The following AKR1C8 variants were observed in gnomAD, a reference collection of about 807,000 sequenced individuals.
The protein encoded by AKR1C8 is aldo-keto reductase family 1 member C8, also known as aldo-keto reductase family 1 member C-like protein 1.
the AKR1C8 span, among the ~76,000 whole-genome samples, chr10:5,163,343 A>T: frequency 6.6e-6 from 1 of 152,306 alleles, no homozygotes; most frequent in Non-Finnish European, 1.5e-5. Flanking sequence ...TATGCCACTG[A>T]AAGCAACTGG....
chr10:5,149,351 C>A, the AKR1C8 span, among the ~76,000 whole-genome samples: 2 of 151,980 alleles, frequency 1.3e-5, no homozygotes, highest in Non-Finnish European at 2.9e-5. Flanking sequence ...TCTTATTATT[C>A]TTGGCCTGAT....
chr10:5,122,028 CCT>C, the AKR1C8 span: 1 of 252,666 alleles, frequency 4.0e-6, no homozygotes, highest in Non-Finnish European at 8.2e-6. Flanking sequence ...AAGATGTGTC[CCT>C]CTGTTTTTGT....
the AKR1C8 span, among the ~76,000 whole-genome samples, chr10:5,133,635 C>T: frequency 2.6e-5 from 4 of 152,244 alleles, no homozygotes; most frequent in East Asian, 5.8e-4. Flanking sequence ...AGTCTGTGTA[C>T]CACACACAAA....
chr10:5,142,271 G>T, the AKR1C8 span, among the ~76,000 whole-genome samples: 1 of 152,222 alleles, frequency 6.6e-6, no homozygotes, highest in African/African-American at 2.4e-5. Context: ...GGAATGTTGT[G>T]GCTGGTTGAT....
chr10:5,126,585 C>T, the AKR1C8 span, among the ~76,000 whole-genome samples: 2 of 152,170 alleles, frequency 1.3e-5, no homozygotes. Flanking sequence ...ACCACCTCTA[C>T]TGGCCTGGGG....
chr10:5,142,009 A>C, the AKR1C8 span, among the ~76,000 whole-genome samples: 2 of 152,224 alleles, frequency 1.3e-5, no homozygotes, highest in East Asian at 3.9e-4. Context: ...TCTACATTCA[A>C]AATCGATTGC....
At chr10:5,182,455 C>G in the AKR1C8 span, among the ~76,000 whole-genome samples, 7 of 152,054 alleles carry the variant, frequency 4.6e-5, no homozygotes, top group Admixed American at 4.6e-4. Flanking sequence ...CTCAAGAACC[C>G]TATATTCTTG....
chr10:5,178,012 C>T, the AKR1C8 span, among the ~76,000 whole-genome samples: 1 of 152,118 alleles, frequency 6.6e-6, no homozygotes, highest in African/African-American at 2.4e-5. Context: ...TACTTCTTGC[C>T]TTCTGCTAGC....
chr10:5,150,663 C>T, the AKR1C8 span, among the ~76,000 whole-genome samples: 1 of 151,866 alleles, frequency 6.6e-6, no homozygotes, highest in African/African-American at 2.4e-5. Context: ...AATAGCAAAG[C>T]CTTAAGACAT....
chr10:5,143,623 T>C, the AKR1C8 span, among the ~76,000 whole-genome samples: 2 of 151,498 alleles, frequency 1.3e-5, no homozygotes, highest in East Asian at 3.9e-4. Flanking sequence ...TATACATTTA[T>C]ATATGAGATG....
At chr10:5,166,241 C>A in the AKR1C8 span, among the ~76,000 whole-genome samples, 8 of 151,906 alleles carry the variant, frequency 5.3e-5, no homozygotes, top group South Asian at 2.1e-4. Context: ...CAATGCCATC[C>A]CCATCAAGCT....
the AKR1C8 span, among the ~76,000 whole-genome samples, chr10:5,163,861 C>T: frequency 1.3e-5 from 2 of 149,826 alleles, no homozygotes; most frequent in East Asian, 1.9e-4. Context: ...AACATAAAAA[C>T]GCCTTTGTCC....
At chr10:5,153,382 C>T in the AKR1C8 span, among the ~76,000 whole-genome samples, 1 of 152,056 alleles carries the variant, frequency 6.6e-6, no homozygotes, top group South Asian at 2.1e-4. Context: ...TAGTTGCTTG[C>T]TTGGAAAAAT....
At chr10:5,185,053 A>G in the AKR1C8 span, 1 of 534,784 alleles carries the variant, frequency 1.9e-6, no homozygotes, top group East Asian at 5.4e-5. Context: ...ACTGGCATGA[A>G]GGGTCCATCA....
At chr10:5,145,112 G>T in the AKR1C8 span, among the ~76,000 whole-genome samples, 1 of 152,116 alleles carries the variant, frequency 6.6e-6, no homozygotes, top group East Asian at 1.9e-4. Context: ...GGCCTTTTCT[G>T]CATCTATTGA....
the AKR1C8 span, among the ~76,000 whole-genome samples, chr10:5,182,675 C>T: frequency 1.1e-4 from 16 of 152,110 alleles, no homozygotes; most frequent in South Asian, 4.2e-4. Flanking sequence ...TTTGGGAGGC[C>T]GAGGCAGGCA....
the AKR1C8 span, among the ~76,000 whole-genome samples, chr10:5,146,847 G>A: frequency 1.3e-5 from 2 of 152,154 alleles, no homozygotes; most frequent in Non-Finnish European, 2.9e-5. Context: ...CAAATGGAAA[G>A]CTTTGTCACT....
chr10:5,150,747 TA>T, the AKR1C8 span, among the ~76,000 whole-genome samples: 237 of 148,344 alleles, frequency 1.6e-3, no homozygotes, highest in African/African-American at 5.1e-3. Context: ...ATGCAAAGAT[TA>T]AAAAAAAAAC....
At chr10:5,117,732 C>A in the AKR1C8 span, among the ~76,000 whole-genome samples, 3 of 152,166 alleles carry the variant, frequency 2.0e-5, no homozygotes, top group Admixed American at 1.3e-4. Context: ...AAAGGAGAAC[C>A]AGCATGTTCC....
Sources: gnomAD v4.1 joint callset for allele counts (sites outside exome capture counted in the v4.1 genomes callset) on GRCh38, gnomAD v4.1.1 for gene constraint, MANE v1.5 for transcripts, NCBI Gene and HGNC (gene_info 2026-07-23, HGNC 2026-07-21) for gene names.